The following SMAD2 variants were observed in gnomAD, a reference collection of about 807,000 sequenced individuals.
SMAD2 encodes the protein SMAD family member 2, also known as MAD homolog 2.
A neutral mutation model predicts 64.4 loss-of-function variants in SMAD2; 8 were observed. The observed-to-expected ratio is 0.12, with a 90% confidence interval of 0.07 to 0.22. The LOEUF is 0.22. Ranked by LOEUF, SMAD2 falls within the 10% of genes least tolerant of loss-of-function variation. The pLI is 1.00. For missense variants in SMAD2, 289 were observed against 561.2 expected, an observed-to-expected ratio of 0.51 and a Z score of 4.90; for synonymous variants, 203 against 195.8, an observed-to-expected ratio of 1.04 and a Z score of -0.31.
At chr18:47,924,706 G>A (rs569220744) in intron 1 of SMAD2, among the ~76,000 whole-genome samples, 3 of 152,016 alleles carry the variant, frequency 2.0e-5, no homozygotes, top group South Asian at 4.1e-4. Context: ...AAAGTGATCC[G>A]CCCGCCTCAG....
At chr18:47,894,214 C>CAA (rs996410618) in intron 2 of SMAD2, among the ~76,000 whole-genome samples, 1 of 152,184 alleles carries the variant, frequency 6.6e-6, no homozygotes, top group Non-Finnish European at 1.5e-5. Context: ...TGAAGTTGTG[C>CAA]AAAAACATGG....
chr18:47,848,771 T>A, intron 7 of SMAD2, 84 bp from the exon 8 acceptor site: 1 of 973,870 alleles, frequency 1.0e-6, no homozygotes, highest in Non-Finnish European at 1.6e-6. Context: ...TATAATCATC[T>A]TTACATGCTC....
At chr18:47,861,606 A>G (rs1051898695) in intron 6 of SMAD2, among the ~76,000 whole-genome samples, 4 of 152,362 alleles carry the variant, frequency 2.6e-5, no homozygotes, top group Non-Finnish European at 5.9e-5. Context: ...TGTTTAACAC[A>G]TGGCAGAGAA....
At position 47,837,562 on chromosome 18, in the gene SMAD2, A is replaced by C. The variant is rs1400152701; in HGVS notation, c.*4265T>G. 1 of 36,802 alleles carries C rather than the reference A, an allele frequency of 2.7e-5. No homozygotes were observed. The highest frequency in any genetic ancestry group is 5.4e-5 in the Non-Finnish European group (1 of 18,396). 2.3% of individuals were successfully genotyped at this position (36,802 alleles called of 1,614,324 possible). A position where few individuals can be genotyped will look rare whatever the true frequency, so the allele number is the denominator to read the frequency against. On this transcript the variant is annotated 3_prime_UTR_variant, in exon 11 of 11. Transcript: ENST00000262160. Reference sequence around the variant, plus strand: ...GGGCAACAGAGCGAGACTCCCTCTCAAAAAAAAAAAAAAAAAACAAAAAAC... The same window carrying C: ...GGGCAACAGAGCGAGACTCCCTCTCCAAAAAAAAAAAAAAAAACAAAAAAC...
intron 2 of SMAD2, among the ~76,000 whole-genome samples, chr18:47,871,518 C>T (rs2031930408): frequency 6.6e-6 from 1 of 152,196 alleles, no homozygotes; most frequent in Non-Finnish European, 1.5e-5. Flanking sequence ...ACCTGGCATC[C>T]TTGGCTTTAG....
At position 47,841,713 on chromosome 18, in the gene SMAD2, G is replaced by T; in HGVS notation, c.*114C>A. 8.6e-7 allele frequency: 1 copy of T among 1,166,924 alleles called. No homozygotes were observed. The highest frequency in any genetic ancestry group is 1.3e-6 in the Non-Finnish European group (1 of 786,698). The allele number at this position is 1,166,924 out of a possible 1,614,324, so 72.3% of individuals were successfully genotyped here. On this transcript the variant is annotated 3_prime_UTR_variant, in exon 11 of 11. Coordinates refer to ENST00000262160, the MANE Select transcript of SMAD2 (RefSeq NM_005901.6). ...TGCTTTAATTGATGAGACCTCAAGT[G>T]CTGTTTTCTCTCTTGAACTTTTGGA...
rs370352616 is a variant in SMAD2 at position 47,868,434 on chromosome 18, G to T, written c.544C>A (p.Arg182=). ...TPVLPPVLVP[R]HTEILTELPP... Reference sequence around the variant, plus strand: ...AGTTCTGTTAGGATCTCGGTGTGTCGGGGCACTAATACTGGAGGCAAAACT... The same window carrying T: ...AGTTCTGTTAGGATCTCGGTGTGTCTGGGCACTAATACTGGAGGCAAAACT... The change falls in exon 5 of 11, where the codon CGA becomes AGA. Residue 182 remains arginine, a synonymous_variant. Coordinates refer to ENST00000262160, the MANE Select transcript of SMAD2 (RefSeq NM_005901.6). 48 of 1,608,094 alleles carry T rather than the reference G, an allele frequency of 3.0e-5. No homozygotes were observed. The Middle Eastern group carries it at 4.9e-4, about 17-fold the overall frequency.
intron 1 of SMAD2, among the ~76,000 whole-genome samples, chr18:47,906,052 C>T (rs968252577): frequency 8.6e-5 from 13 of 151,562 alleles, no homozygotes; most frequent in African/African-American, 3.2e-4. Flanking sequence ...GGTGCGGAGG[C>T]TGCAGTGAGC....
chr18:47,924,547 G>A (rs1321690302), intron 1 of SMAD2, among the ~76,000 whole-genome samples: 1 of 150,200 alleles, frequency 6.7e-6, no homozygotes. Context: ...CTGCAACCTC[G>A]GCCTCCCCGG....
Position 47,930,469 on chromosome 18 carries a change from G to C in SMAD2, c.-162C>G, listed in dbSNP as rs1475428294. 2.6e-5 allele frequency: 4 copies of C among 151,850 alleles called. No homozygotes were observed. Among genetic ancestry groups the C allele is most frequent in the African/African-American group, 7.3e-5 (3 of 41,362 alleles). 9.4% of individuals were successfully genotyped at this position (151,850 alleles called of 1,614,324 possible). On this transcript the variant is annotated 5_prime_UTR_variant, in exon 1 of 11. Coordinates refer to ENST00000262160, the MANE Select transcript of SMAD2 (RefSeq NM_005901.6). ...GGGCTGGGAGGGGAAGAGGGGAATG[G>C]GCGATTGGAGGCGGAACTGAAAACA...
At chr18:47,926,069 A>G (rs1055464701) in intron 1 of SMAD2, among the ~76,000 whole-genome samples, 1 of 152,242 alleles carries the variant, frequency 6.6e-6, no homozygotes, top group African/African-American at 2.4e-5. Flanking sequence ...GAAAGGGGTG[A>G]CATAGGGTGC....
chr18:47,907,788 C>T (rs1163478338), intron 1 of SMAD2, among the ~76,000 whole-genome samples: 1 of 152,072 alleles, frequency 6.6e-6, no homozygotes, highest in Non-Finnish European at 1.5e-5. Flanking sequence ...CCTGTCTCTA[C>T]AAAAAATACA....
chr18:47,887,927 G>A (rs2032994718), intron 2 of SMAD2, among the ~76,000 whole-genome samples: 1 of 152,082 alleles, frequency 6.6e-6, no homozygotes, highest in South Asian at 2.1e-4. Flanking sequence ...TTGAACTCAC[G>A]ATCTTTATAC....
rs1279534090 is a variant in SMAD2, at chr18:47,827,067, C to G, written c.*14760G>C. 6.6e-6 allele frequency: 1 copy of G among 152,172 alleles called. No homozygotes were observed. Among genetic ancestry groups the G allele is most frequent in the African/African-American group, 2.4e-5 (1 of 41,434 alleles). 9.4% of individuals were successfully genotyped at this position (152,172 alleles called of 1,614,324 possible). A position where few individuals can be genotyped will look rare whatever the true frequency, so the allele number is the denominator to read the frequency against. On this transcript the variant is annotated 3_prime_UTR_variant, in exon 11 of 11. Coordinates refer to ENST00000262160, the MANE Select transcript of SMAD2 (RefSeq NM_005901.6). ...CGATTCTGAGTCAAACTGCATTTTCCATTACATCGGAAATGACCAAGGATT... is the reference window on the plus strand; with the variant it reads ...CGATTCTGAGTCAAACTGCATTTTCGATTACATCGGAAATGACCAAGGATT...
At position 47,830,806 on chromosome 18, in the gene SMAD2, A is replaced by G. The variant is rs1351363581; in HGVS notation, c.*11021T>C. ...CTTAAGTTCAAGATACGTACTCTCAATGGAGAATCGCTGTTGGGCAGTGGT... is the reference window on the plus strand; with the variant it reads ...CTTAAGTTCAAGATACGTACTCTCAGTGGAGAATCGCTGTTGGGCAGTGGT... On this transcript the variant is annotated 3_prime_UTR_variant, in exon 11 of 11. Transcript: ENST00000262160. The G allele has an allele frequency of 6.4e-6, 1 of 156,988 alleles. No individual in the cohort carries two copies. Among genetic ancestry groups the G allele is most frequent in the Non-Finnish European group, 1.4e-5 (1 of 70,552 alleles). 9.7% of individuals were successfully genotyped at this position (156,988 alleles called of 1,614,324 possible). A position where few individuals can be genotyped will look rare whatever the true frequency, so the allele number is the denominator to read the frequency against.
intron 2 of SMAD2, among the ~76,000 whole-genome samples, chr18:47,892,684 T>A (rs2033253618): frequency 6.6e-6 from 1 of 152,154 alleles, no homozygotes; most frequent in Non-Finnish European, 1.5e-5. Flanking sequence ...GACTGGGTTT[T>A]TTCTAATTCA....
At chr18:47,915,365 C>T (rs2034292653) in intron 1 of SMAD2, among the ~76,000 whole-genome samples, 1 of 152,114 alleles carries the variant, frequency 6.6e-6, no homozygotes, top group South Asian at 2.1e-4. Flanking sequence ...CATACATAAT[C>T]CTAAATCCTA....
chr18:47,902,911 C>T (rs548046009), intron 1 of SMAD2, among the ~76,000 whole-genome samples: 5 of 152,188 alleles, frequency 3.3e-5, no homozygotes, highest in South Asian at 2.1e-4. Flanking sequence ...ACATGCACAC[C>T]GACATGACAT....
intron 6 of SMAD2, among the ~76,000 whole-genome samples, chr18:47,862,132 G>A (rs528369836): frequency 6.6e-6 from 1 of 152,218 alleles, no homozygotes; most frequent in South Asian, 2.1e-4. Flanking sequence ...AAATTAAAAT[G>A]TATTTTCTAT....
Sources: allele counts gnomAD v4.1 joint callset (sites outside exome capture counted in the v4.1 genomes callset), GRCh38; gene constraint gnomAD v4.1.1; transcripts MANE v1.5; gene names NCBI Gene and HGNC (gene_info 2026-07-23, HGNC 2026-07-21).